MEI4: variants seen among roughly 807,000 people sequenced by gnomAD.
The protein encoded by MEI4 is meiotic double-stranded break formation protein 4.
A neutral mutation model predicts 31.4 loss-of-function variants in MEI4; 27 were observed. The ratio of observed to expected loss-of-function variants is 0.86; its 90% CI spans 0.63 to 1.19. The LOEUF (loss-of-function observed/expected upper bound fraction) is 1.19. MEI4 is among the 50% of genes most tolerant of loss of function. The pLI is 0.00. For missense variants in MEI4, 329 were observed against 398.9 expected (o/e 0.82, Z 1.49); for synonymous variants, 122 against 145.4 (o/e 0.84, Z 1.16).
intron 4 of MEI4, among the ~76,000 whole-genome samples, chr6:77,901,924 G>A (rs1419681301): frequency 6.6e-6 from 1 of 151,986 alleles, no homozygotes; most frequent in Non-Finnish European, 1.5e-5. Flanking sequence ...TTCTACATAT[G>A]AATATTCAGT....
chr6:77,716,755 T>C (rs887335751), intron 2 of MEI4: 38 of 351,676 alleles, frequency 1.1e-4, no homozygotes, highest in African/African-American at 7.9e-4. Flanking sequence ...TTTAAAATTT[T>C]ATTTTACTTT....
intron 2 of MEI4, among the ~76,000 whole-genome samples, chr6:77,745,102 C>G (rs1767555156): frequency 1.3e-5 from 2 of 152,264 alleles, no homozygotes; most frequent in South Asian, 2.1e-4. Flanking sequence ...ATGACAGGAT[C>G]AAATTCACAC....
At chr6:77,905,502 T>C (rs1766275551) in intron 4 of MEI4, among the ~76,000 whole-genome samples, 3 of 44,930 alleles carry the variant, frequency 6.7e-5, no homozygotes, top group South Asian at 1.4e-3. Context: ...TTTTTTTTTT[T>C]TTTTTTTTTT....
chr6:77,878,132 A>G (rs1358748693), intron 4 of MEI4, among the ~76,000 whole-genome samples: 1 of 152,134 alleles, frequency 6.6e-6, no homozygotes, highest in Non-Finnish European at 1.5e-5. Context: ...CAGAGGTGGC[A>G]TTGTGTTACT....
intron 3 of MEI4, among the ~76,000 whole-genome samples, chr6:77,792,279 C>T (rs768533931): frequency 3.9e-5 from 6 of 151,978 alleles, no homozygotes; most frequent in Non-Finnish European, 2.9e-5. Context: ...TATGTTTTTT[C>T]AAAATACTCA....
At chr6:77,912,803 T>A (rs556801439) in intron 4 of MEI4, among the ~76,000 whole-genome samples, 2 of 152,258 alleles carry the variant, frequency 1.3e-5, no homozygotes, top group East Asian at 3.9e-4. Flanking sequence ...TTTATTTCTC[T>A]TGCCTAATTG....
intron 2 of MEI4, among the ~76,000 whole-genome samples, chr6:77,737,333 C>G (rs1432938223): frequency 6.6e-6 from 1 of 152,094 alleles, no homozygotes; most frequent in Non-Finnish European, 1.5e-5. Flanking sequence ...TGTCATAGCT[C>G]AGGTCTTACA....
intron 3 of MEI4, among the ~76,000 whole-genome samples, chr6:77,790,780 A>G (rs1209745133): frequency 6.6e-6 from 1 of 152,174 alleles, no homozygotes; most frequent in Non-Finnish European, 1.5e-5. Flanking sequence ...ATTGTATCTA[A>G]TAGAACATGG....
At chr6:77,735,919 G>A (rs556493601) in intron 2 of MEI4, among the ~76,000 whole-genome samples, 14 of 151,870 alleles carry the variant, frequency 9.2e-5, no homozygotes, top group South Asian at 6.2e-4. Flanking sequence ...TGCCCCTGCT[G>A]GGGGATGCCT....
chr6:77,878,490 A>AT (rs1771399690), intron 4 of MEI4, among the ~76,000 whole-genome samples: 1 of 152,146 alleles, frequency 6.6e-6, no homozygotes. Context: ...GATAGTGATC[A>AT]TTTAAAAGTT....
At chr6:77,878,919 C>T (rs943757774) in intron 4 of MEI4, among the ~76,000 whole-genome samples, 8 of 151,942 alleles carry the variant, frequency 5.3e-5, no homozygotes, top group Non-Finnish European at 8.8e-5. Flanking sequence ...AGACAGTTAC[C>T]GAAGGTGGAA....
At chr6:77,853,103 C>A (rs1770667653) in intron 4 of MEI4, among the ~76,000 whole-genome samples, 1 of 152,120 alleles carries the variant, frequency 6.6e-6, no homozygotes, top group African/African-American at 2.4e-5. Context: ...GAGGCTGAGG[C>A]AGGAGAATCG....
rs1250459738 is a variant in MEI4, at chr6:77,852,162, C to T, written c.900+23100C>T. ...AAATGTCCCTCTCTTAGCTGAGCCT[C>T]AGCCTCTCTGTATCAGAAAACCTTA... is the stretch of plus-strand genomic sequence containing the variant. On this transcript the variant is annotated intron_variant, in intron 4 of 4. Coordinates refer to ENST00000684080, the MANE Select transcript of MEI4 (RefSeq NM_001322247.2). Among the ~76,000 whole-genome samples the T allele has an allele frequency of 3.3e-5, 5 of 152,216 alleles. No individual in the cohort carries two copies. In the East Asian group the frequency reaches 9.6e-4, roughly 29 times the overall value.
chr6:77,787,613 A>G (rs1768778020), intron 3 of MEI4, among the ~76,000 whole-genome samples: 2 of 152,168 alleles, frequency 1.3e-5, no homozygotes, highest in Non-Finnish European at 2.9e-5. Context: ...TGCTCCTTCA[A>G]ATGCACAGAC....
chr6:77,665,315 G>A (rs1314947766), intron 1 of MEI4, among the ~76,000 whole-genome samples: 2 of 152,090 alleles, frequency 1.3e-5, no homozygotes, highest in Non-Finnish European at 2.9e-5. Flanking sequence ...TGCCACTAAG[G>A]GTGAAAGATA....
intron 4 of MEI4, among the ~76,000 whole-genome samples, chr6:77,920,040 A>T (rs1766666917): frequency 6.8e-6 from 1 of 147,264 alleles, no homozygotes; most frequent in Admixed American, 6.8e-5. Context: ...CCAGGACCAG[A>T]TGGATTCACA....
chr6:77,692,746 G>T (rs1356843320), intron 2 of MEI4, among the ~76,000 whole-genome samples: 1 of 152,004 alleles, frequency 6.6e-6, no homozygotes, highest in Admixed American at 6.6e-5. Context: ...TTTCAATTCA[G>T]ATGGTGAACA....
chr6:77,737,785 G>T (rs1767291229), intron 2 of MEI4, among the ~76,000 whole-genome samples: 1 of 152,164 alleles, frequency 6.6e-6, no homozygotes, highest in Non-Finnish European at 1.5e-5. Context: ...GAATGTATAT[G>T]GAGGTCAAGG....
At chr6:77,917,064 T>A (rs1344315717) in intron 4 of MEI4, among the ~76,000 whole-genome samples, 1 of 151,636 alleles carries the variant, frequency 6.6e-6, no homozygotes, top group Non-Finnish European at 1.5e-5. Flanking sequence ...AATGATGATT[T>A]CCAATTTCAT....
Sources: gnomAD v4.1 joint callset for allele counts (sites outside exome capture counted in the v4.1 genomes callset) on GRCh38, gnomAD v4.1.1 for gene constraint, MANE v1.5 for transcripts, NCBI Gene and HGNC (gene_info 2026-07-23, HGNC 2026-07-21) for gene names.